Variants in POLE2 observed in about 807,000 individuals in gnomAD.
POLE2 encodes DNA polymerase epsilon 2, accessory subunit, also known as DNA polymerase epsilon subunit 2.
A neutral mutation model predicts 79.4 loss-of-function variants in POLE2; 56 were observed. The observed-to-expected ratio is 0.71, with a 90% CI of 0.57 to 0.88. POLE2 has a LOEUF of 0.88. Ranked by LOEUF, POLE2 falls within the 40% of genes least tolerant of loss-of-function variation. POLE2 has a pLI of 0.00. For missense variants in POLE2, 598 were observed against 638.9 expected, an observed-to-expected ratio of 0.94 and a Z score of 0.69; for synonymous variants, 212 against 214.0, an observed-to-expected ratio of 0.99 and a Z score of 0.08.
At chr14:49,685,052 A>G (rs1887029513) in intron 1 of POLE2, among the ~76,000 whole-genome samples, 1 of 152,218 alleles carries the variant, frequency 6.6e-6, no homozygotes, top group Non-Finnish European at 1.5e-5. Context: ...GAACATGATT[A>G]ACTAGTTACA....
intron 18 of POLE2, among the ~76,000 whole-genome samples, chr14:49,645,681 A>C (rs1022290309): frequency 6.6e-6 from 1 of 152,130 alleles, no homozygotes; most frequent in Non-Finnish European, 1.5e-5. Context: ...TGCAGTGTGG[A>C]CCAATCACAG....
intron 10 of POLE2, among the ~76,000 whole-genome samples, chr14:49,662,691 G>T (rs1181738066): frequency 6.6e-6 from 1 of 152,192 alleles, no homozygotes; most frequent in Admixed American, 6.5e-5. Context: ...GCCTTTATGA[G>T]AAATCTTCTA....
At chr14:49,650,500 A>T in intron 16 of POLE2, 59 bp from the exon 17 acceptor site, 1 of 1,135,122 alleles carries the variant, frequency 8.8e-7, no homozygotes, top group South Asian at 3.1e-5. Context: ...GAAAATAGCT[A>T]AACAAATAAT....
chr14:49,650,109 G>T, intron 17 of POLE2, 156 bp downstream of exon 17: 1 of 423,956 alleles, frequency 2.4e-6, no homozygotes, highest in Non-Finnish European at 3.9e-6. Context: ...AACTTTCTGT[G>T]TATACCAACT....
chr14:49,667,739 C>T (rs1385107447), intron 6 of POLE2, among the ~76,000 whole-genome samples: 2 of 152,096 alleles, frequency 1.3e-5, no homozygotes, highest in African/African-American at 4.8e-5. Context: ...TAAAGTTCTA[C>T]ACATTCTAGA....
At chr14:49,662,669 T>C (rs961340558) in intron 10 of POLE2, among the ~76,000 whole-genome samples, 1 of 152,210 alleles carries the variant, frequency 6.6e-6, no homozygotes, top group Non-Finnish European at 1.5e-5. Flanking sequence ...TTAAGAGAAC[T>C]CTGAAACCTA....
chr14:49,668,555 G>A (rs903774034), intron 6 of POLE2, among the ~76,000 whole-genome samples: 1 of 152,016 alleles, frequency 6.6e-6, no homozygotes, highest in African/African-American at 2.4e-5. Context: ...ATATTATACA[G>A]GTAGATAAAT....
intron 18 of POLE2, among the ~76,000 whole-genome samples, chr14:49,646,302 GTTTTTTTTTT>G (rs1162033821): frequency 1.3e-4 from 11 of 84,578 alleles, no homozygotes; most frequent in African/African-American, 5.3e-4. Context: ...TTTTTTGTTG[GTTTTTTTTTT>G]TTTTTTTTTT....
intron 17 of POLE2, among the ~76,000 whole-genome samples, chr14:49,649,429 A>T (rs1335324637): frequency 1.3e-5 from 2 of 149,244 alleles, no homozygotes; most frequent in Non-Finnish European, 3.0e-5. Context: ...TACAGGCGTG[A>T]GCCACCACAC....
At chr14:49,671,295 G>A (rs1885869904) in intron 5 of POLE2, among the ~76,000 whole-genome samples, 9 of 152,090 alleles carry the variant, frequency 5.9e-5, no homozygotes, top group Admixed American at 5.9e-4. Flanking sequence ...CAAATGCAAG[G>A]CAGGGCCAAG....
chr14:49,655,677 A>G lies in POLE2; in HGVS notation c.922T>C (p.Phe308Leu), dbSNP rs1884609478. The change falls in exon 11 of 19, where the codon TTT becomes CTT. Residue 308 changes from phenylalanine to leucine, a missense_variant. By Grantham distance (22) the Phe-to-Leu change is conservative. Transcript: ENST00000216367. ...GAAAAAAAATAAGACCTACCAGCAA[A>G]CATTATGCGAAGTTTTTCCAATACT... ...VEVLEKLRIM[F>L]AGYSPAPPTC... 3 of 1,604,898 alleles carry G rather than the reference A, an allele frequency of 1.9e-6. No homozygotes were observed. In the East Asian group the frequency reaches 6.7e-5, roughly 36 times the overall value.
chr14:49,668,258 A>G (rs1473814848), intron 6 of POLE2, among the ~76,000 whole-genome samples: 4 of 152,114 alleles, frequency 2.6e-5, no homozygotes, highest in Non-Finnish European at 5.9e-5. Context: ...TGACAGAGCA[A>G]GACTCTGCCA....
intron 10 of POLE2, among the ~76,000 whole-genome samples, chr14:49,657,214 T>A (rs1884750889): frequency 6.6e-6 from 1 of 152,174 alleles, no homozygotes; most frequent in African/African-American, 2.4e-5. Flanking sequence ...CAAAACATAT[T>A]TCCTGAATGT....
chr14:49,662,997 A>AT (rs1885196174), intron 10 of POLE2, among the ~76,000 whole-genome samples: 2 of 152,206 alleles, frequency 1.3e-5, no homozygotes, highest in Admixed American at 6.5e-5. Context: ...ATTAACATGG[A>AT]ATTATATTCT....
rs765799878 is a variant in POLE2, at chr14:49,651,362, T to TGTACA, written c.1222_1226dup (p.Gln410ValfsTer12). On this transcript the variant is annotated frameshift_variant, in exon 16 of 19. Coordinates refer to ENST00000216367, the MANE Select transcript of POLE2 (RefSeq NM_002692.4). LOFTEE classifies it high-confidence loss of function. ...CTTCACGGAAGACAGTAATTTCCTGTGTACAGTACTGAATTCTGAAATGAA... is the reference window on the plus strand; with the variant it reads ...CTTCACGGAAGACAGTAATTTCCTGTGTACAGTACAGTACTGAATTCTGAAATGAA... 9.4e-6 allele frequency: 14 copies of TGTACA among 1,485,322 alleles called. No homozygotes were observed. The highest frequency in any genetic ancestry group is 1.3e-5 in the Non-Finnish European group (14 of 1,074,104). The allele number at this position is 1,485,322 out of a possible 1,614,324, so 92.0% of individuals were successfully genotyped here.
chr14:49,687,215 AGTTCGCATCACT>A (rs971770735), intron 1 of POLE2, among the ~76,000 whole-genome samples: 6 of 151,400 alleles, frequency 4.0e-5, no homozygotes, highest in African/African-American at 1.5e-4. Context: ...CAGTAAGTCA[AGTTCGCATCACT>A]GCCCTCCAGC....
At chr14:49,649,435 C>T (rs1257820528) in intron 17 of POLE2, among the ~76,000 whole-genome samples, 2 of 149,534 alleles carry the variant, frequency 1.3e-5, no homozygotes, top group East Asian at 2.0e-4. Flanking sequence ...CGTGAGCCAC[C>T]ACACCCGGCC....
At chr14:49,651,160 T>C (rs569557895) in intron 16 of POLE2, 109 bp downstream of exon 16, 21 of 550,242 alleles carry the variant, frequency 3.8e-5, no homozygotes, top group African/African-American at 3.6e-4. Context: ...CAAACTATTT[T>C]GAACCATAAA....
chr14:49,684,646 G>A (rs1886989272), intron 1 of POLE2: 1 of 145,246 alleles, frequency 6.9e-6, no homozygotes, highest in Non-Finnish European at 1.5e-5. Context: ...CTGCTTCATG[G>A]AGTCTGACCA....
Sources: gnomAD v4.1 joint callset for allele counts (sites outside exome capture counted in the v4.1 genomes callset) on GRCh38, gnomAD v4.1.1 for gene constraint, MANE v1.5 for transcripts, NCBI Gene and HGNC (gene_info 2026-07-23, HGNC 2026-07-21) for gene names.